Variants in COL25A1 observed in about 807,000 individuals in gnomAD.
COL25A1 encodes collagen type XXV alpha 1 chain, also known as collagen alpha-1(XXV) chain.
In COL25A1, 103 loss-of-function variants were observed where a neutral mutation model predicts 128.4. The observed-to-expected ratio is 0.80, with a 90% confidence interval of 0.68 to 0.94. The LOEUF (loss-of-function observed/expected upper bound fraction) is 0.94. Among genes scored for constraint, COL25A1 ranks in the 40% least tolerant of loss-of-function variants. The pLI is 0.00. For missense variants in COL25A1, 745 were observed against 840.0 expected (o/e 0.89, Z 1.40); for synonymous variants, 279 against 277.2 (o/e 1.01, Z -0.06).
chr4:108,954,887 T>A (rs1226418950), intron 8 of COL25A1, among the ~76,000 whole-genome samples: 2 of 151,766 alleles, frequency 1.3e-5, no homozygotes, highest in Non-Finnish European at 2.9e-5. Flanking sequence ...TTCTCTGATA[T>A]CTTAAAATAT....
intron 5 of COL25A1, among the ~76,000 whole-genome samples, chr4:109,024,967 T>C (rs945042219): frequency 1.3e-5 from 2 of 152,238 alleles, no homozygotes; most frequent in African/African-American, 4.8e-5. Flanking sequence ...GAAGAGGTCA[T>C]GACTCCACAT....
At chr4:108,884,323 A>T (rs1170669056) in intron 18 of COL25A1, 101 bp from the exon 19 acceptor site, 1 of 1,090,932 alleles carries the variant, frequency 9.2e-7, no homozygotes, top group Non-Finnish European at 1.3e-6. Flanking sequence ...CTTTCTGCAA[A>T]GATAAATAAA....
intron 3 of COL25A1, among the ~76,000 whole-genome samples, chr4:109,252,028 T>A (rs1344472892): frequency 1.3e-5 from 2 of 152,248 alleles, no homozygotes; most frequent in African/African-American, 2.4e-5. Flanking sequence ...AGCATGGGAA[T>A]TTGCCCAACT....
chr4:109,183,098 T>C (rs528542733), intron 3 of COL25A1, among the ~76,000 whole-genome samples: 8 of 152,222 alleles, frequency 5.3e-5, no homozygotes, highest in African/African-American at 1.9e-4. Flanking sequence ...AACTATAATG[T>C]ATTAGCCATA....
At chr4:108,859,921 C>G (rs1019309140) in intron 23 of COL25A1, among the ~76,000 whole-genome samples, 188 bp from the exon 24 acceptor site, 6 of 152,170 alleles carry the variant, frequency 3.9e-5, no homozygotes, top group Non-Finnish European at 8.8e-5. Context: ...AGGCAAACCA[C>G]TTCTTATATC....
intron 13 of COL25A1, among the ~76,000 whole-genome samples, chr4:108,904,134 T>G (rs939498702): frequency 6.6e-6 from 1 of 152,114 alleles, no homozygotes. Context: ...TGTACAAGTC[T>G]GAGTTTCATA....
chr4:109,300,290 G>A (rs989791741), intron 3 of COL25A1, among the ~76,000 whole-genome samples: 2 of 151,930 alleles, frequency 1.3e-5, no homozygotes, highest in African/African-American at 4.8e-5. Flanking sequence ...TTTAATTGAA[G>A]AATATTTTTC....
chr4:108,933,942 T>C (rs983803159), intron 11 of COL25A1, among the ~76,000 whole-genome samples: 3 of 152,016 alleles, frequency 2.0e-5, no homozygotes, highest in African/African-American at 7.3e-5. Context: ...CTCAAGGATC[T>C]AGAACTAGAA....
At chr4:109,228,165 G>T (rs1258048262) in intron 3 of COL25A1, among the ~76,000 whole-genome samples, 3 of 152,108 alleles carry the variant, frequency 2.0e-5, no homozygotes, top group African/African-American at 4.8e-5. Flanking sequence ...GTTGAGGGCA[G>T]ATCTTCCCCA....
chr4:109,104,884 C>T (rs370613622), intron 3 of COL25A1, among the ~76,000 whole-genome samples: 19 of 151,870 alleles, frequency 1.3e-4, no homozygotes, highest in African/African-American at 4.6e-4. Context: ...TAAGAAATTG[C>T]CATTTATTAG....
intron 32 of COL25A1, among the ~76,000 whole-genome samples, chr4:108,832,120 G>A (rs1213971195): frequency 1.3e-5 from 2 of 152,168 alleles, no homozygotes; most frequent in African/African-American, 4.8e-5. Context: ...TATGGGTGAA[G>A]GAAGAATCAT....
In COL25A1 at chr4:109,221,450, A is replaced by T. The variant is rs71603017; in HGVS notation, c.367+79133T>A. Among the ~76,000 whole-genome samples, 730 of 152,314 alleles carry T rather than the reference A, an allele frequency of 4.8e-3. 4 individuals carry two copies. The highest frequency in any genetic ancestry group is 8.7e-3 in the Non-Finnish European group (593 of 68,008). ...TTGAAATAGTAATGGATGAAATCAC[A>T]GTTACTGTTTCCAAGCGTATGCAGA... On this transcript the variant is annotated intron_variant, in intron 3 of 37. Coordinates refer to ENST00000399132, the MANE Select transcript of COL25A1 (RefSeq NM_198721.4).
chr4:109,231,972 G>GAT (rs1560905202), intron 3 of COL25A1, among the ~76,000 whole-genome samples: 1 of 152,044 alleles, frequency 6.6e-6, no homozygotes, highest in East Asian at 1.9e-4. Context: ...CTCAACATAC[G>GAT]ATAGTTCTTT....
intron 6 of COL25A1, among the ~76,000 whole-genome samples, chr4:108,996,288 GGAAAAAAA>G (rs1754762462): frequency 8.4e-6 from 1 of 118,976 alleles, no homozygotes; most frequent in African/African-American, 3.1e-5. Flanking sequence ...CAAGCAAATG[GGAAAAAAA>G]AAAAAAAAAA....
chr4:108,988,829 G>A (rs1247932219), intron 6 of COL25A1, among the ~76,000 whole-genome samples: 2 of 152,122 alleles, frequency 1.3e-5, no homozygotes, highest in Admixed American at 6.5e-5. Flanking sequence ...TTTCCTCTGG[G>A]TCTTCGACTA....
chr4:109,114,903 C>G lies in COL25A1; in HGVS notation c.368-64724G>C, dbSNP rs79340482. Among the ~76,000 whole-genome samples, 210 of 152,076 alleles carry G rather than the reference C, an allele frequency of 1.4e-3. 1 individual carries two copies. In the East Asian group the frequency reaches 0.034, roughly 24 times the overall value. On this transcript the variant is annotated intron_variant, in intron 3 of 37. Coordinates refer to ENST00000399132, the MANE Select transcript of COL25A1 (RefSeq NM_198721.4). The stretch of plus-strand genomic sequence containing the variant: ...ATCTATTTAAGGCATAAGAAAATTA[C>G]CAGCATAGTAAAGAACAGCTTCAAT...
intron 37 of COL25A1, among the ~76,000 whole-genome samples, chr4:108,815,127 T>C (rs1278119014): frequency 6.6e-6 from 1 of 152,128 alleles, no homozygotes; most frequent in East Asian, 1.9e-4. Context: ...GAACTATATC[T>C]AGAAAGAAAA....
intron 12 of COL25A1, among the ~76,000 whole-genome samples, chr4:108,919,308 A>G (rs1169770968): frequency 6.6e-6 from 1 of 152,154 alleles, no homozygotes; most frequent in African/African-American, 2.4e-5. Flanking sequence ...TCATTAAAGG[A>G]CTTCCCGAAG....
chr4:108,983,225 G>A (rs1424491994), intron 6 of COL25A1, among the ~76,000 whole-genome samples: 3 of 152,012 alleles, frequency 2.0e-5, no homozygotes, highest in South Asian at 2.1e-4. Flanking sequence ...CAAATAAAAT[G>A]AACTCCATGG....
Sources: allele counts gnomAD v4.1 joint callset (sites outside exome capture counted in the v4.1 genomes callset), GRCh38; gene constraint gnomAD v4.1.1; transcripts MANE v1.5; gene names NCBI Gene and HGNC (gene_info 2026-07-23, HGNC 2026-07-21).